NOX4: variants seen among roughly 807,000 people sequenced by gnomAD.
The protein encoded by NOX4 is NADPH oxidase 4, also known as kidney oxidase-1.
A neutral mutation model predicts 87.6 loss-of-function variants in NOX4; 69 were observed. The observed-to-expected ratio is 0.79, with a 90% CI of 0.65 to 0.96. The LOEUF is 0.96. Among genes scored for constraint, NOX4 ranks in the 40% least tolerant of loss-of-function variants. The probability of loss-of-function intolerance (pLI) is 0.00; values close to 1 mark genes in which losing one functional copy is unlikely to be tolerated. For missense variants in NOX4, 680 were observed against 681.5 expected (o/e 1.00, Z 0.02); for synonymous variants, 275 against 238.2 (o/e 1.15, Z -1.42).
intron 12 of NOX4, among the ~76,000 whole-genome samples, chr11:89,356,778 T>C (rs1938093800): frequency 6.6e-6 from 1 of 152,134 alleles, no homozygotes. Flanking sequence ...CATTATCTGA[T>C]ACATAATTAA....
At chr11:89,386,476 A>G (rs1565223744) in intron 11 of NOX4, among the ~76,000 whole-genome samples, 1 of 152,040 alleles carries the variant, frequency 6.6e-6, no homozygotes, top group Non-Finnish European at 1.5e-5. Context: ...CACCCTGATG[A>G]AGTCCTATTC....
At chr11:89,460,985 A>G (rs1945434987) in intron 2 of NOX4, among the ~76,000 whole-genome samples, 2 of 152,250 alleles carry the variant, frequency 1.3e-5, no homozygotes, top group Admixed American at 1.3e-4. Context: ...GCCATAAAAG[A>G]TGATGAGTTC....
At chr11:89,465,791 T>C (rs1945665430) in intron 2 of NOX4, among the ~76,000 whole-genome samples, 2 of 151,974 alleles carry the variant, frequency 1.3e-5, no homozygotes, top group Non-Finnish European at 2.9e-5. Context: ...TTAAGAAGTG[T>C]CTGTTCATAT....
the NOX4 span, among the ~76,000 whole-genome samples, chr11:89,563,851 A>C: frequency 6.6e-6 from 1 of 152,150 alleles, no homozygotes. Flanking sequence ...ATGATAAATA[A>C]ATTTTACAGT....
At chr11:89,510,643 T>A in the NOX4 span, among the ~76,000 whole-genome samples, 1 of 152,032 alleles carries the variant, frequency 6.6e-6, no homozygotes, top group African/African-American at 2.4e-5. Context: ...ACCCATAGTT[T>A]AAGAAAAATT....
intron 13 of NOX4, among the ~76,000 whole-genome samples, chr11:89,346,448 C>T (rs914318145): frequency 5.3e-5 from 8 of 151,434 alleles, no homozygotes; most frequent in African/African-American, 1.5e-4. Context: ...GCTACTTTGT[C>T]GACTGACAAT....
chr11:89,424,998 C>T (rs1943297936), intron 7 of NOX4, among the ~76,000 whole-genome samples: 1 of 151,998 alleles, frequency 6.6e-6, no homozygotes, highest in Non-Finnish European at 1.5e-5. Flanking sequence ...GCATAAAAAA[C>T]ACTGAAGATT....
At chr11:89,459,480 A>C (rs541954548) in intron 2 of NOX4, among the ~76,000 whole-genome samples, 1 of 152,196 alleles carries the variant, frequency 6.6e-6, no homozygotes. Flanking sequence ...TACAAAATCA[A>C]TGTGTAAAAA....
chr11:89,480,867 C>A (rs1946365098), intron 2 of NOX4, among the ~76,000 whole-genome samples: 1 of 151,996 alleles, frequency 6.6e-6, no homozygotes, highest in African/African-American at 2.4e-5. Flanking sequence ...TTCCAAGATT[C>A]AGTGAAGATT....
At chr11:89,358,080 C>T (rs1214514438) in intron 12 of NOX4, among the ~76,000 whole-genome samples, 3 of 151,878 alleles carry the variant, frequency 2.0e-5, no homozygotes, top group Non-Finnish European at 4.4e-5. Context: ...GAATAGCTAT[C>T]GTGGTTGTCA....
chr11:89,430,492 C>A (rs1249432255), intron 7 of NOX4, among the ~76,000 whole-genome samples: 1 of 152,166 alleles, frequency 6.6e-6, no homozygotes, highest in Non-Finnish European at 1.5e-5. Flanking sequence ...AGGTGATAAG[C>A]AACTTCAGCA....
the NOX4 span, chr11:89,557,182 G>A: frequency 6.6e-6 from 1 of 152,090 alleles, no homozygotes; most frequent in Non-Finnish European, 1.5e-5. Context: ...GGCTACATTT[G>A]CTTCCTAATT....
intron 2 of NOX4, among the ~76,000 whole-genome samples, chr11:89,457,699 T>C (rs187989660): frequency 3.1e-4 from 47 of 152,088 alleles, no homozygotes; most frequent in African/African-American, 9.2e-4. Flanking sequence ...GAAAATAAAA[T>C]TGTAAAAAAC....
At chr11:89,486,038 T>C (rs1029492083) in intron 2 of NOX4, among the ~76,000 whole-genome samples, 1 of 152,132 alleles carries the variant, frequency 6.6e-6, no homozygotes, top group Non-Finnish European at 1.5e-5. Flanking sequence ...CCCAATGTTA[T>C]ATTTTATCTT....
At chr11:89,348,767 CTAAGT>C (rs1449344754) in intron 13 of NOX4, among the ~76,000 whole-genome samples, 2 of 151,986 alleles carry the variant, frequency 1.3e-5, no homozygotes, top group African/African-American at 2.4e-5. Flanking sequence ...CCCACCACTT[CTAAGT>C]TAAGTATAAT....
chr11:89,425,300 C>T (rs574389084), intron 7 of NOX4, among the ~76,000 whole-genome samples: 21 of 150,870 alleles, frequency 1.4e-4, no homozygotes, highest in Non-Finnish European at 3.0e-4. Flanking sequence ...TAAAAGTGTT[C>T]TTACAATTTG....
At chr11:89,538,837 T>C in the NOX4 span, among the ~76,000 whole-genome samples, 1 of 152,114 alleles carries the variant, frequency 6.6e-6, no homozygotes, top group Non-Finnish European at 1.5e-5. Flanking sequence ...TCAATGTTTG[T>C]GTCCCCCTCA....
At chr11:89,394,314 T>G (rs1002297596) in intron 11 of NOX4, among the ~76,000 whole-genome samples, 12 of 150,520 alleles carry the variant, frequency 8.0e-5, no homozygotes, top group African/African-American at 2.7e-4. Flanking sequence ...CATTATACTA[T>G]TCTCTCTACT....
At chr11:89,391,602 T>A (rs1200166637) in intron 11 of NOX4, among the ~76,000 whole-genome samples, 2 of 151,682 alleles carry the variant, frequency 1.3e-5, no homozygotes, top group Admixed American at 1.3e-4. Context: ...CACAATTTTT[T>A]AAAAAGTTTA....
Sources: allele counts gnomAD v4.1 joint callset (sites outside exome capture counted in the v4.1 genomes callset), GRCh38; gene constraint gnomAD v4.1.1; transcripts MANE v1.5; gene names NCBI Gene and HGNC (gene_info 2026-07-23, HGNC 2026-07-21).